STOX2: variants seen among roughly 807,000 people sequenced by gnomAD.
STOX2 encodes storkhead-box protein 2.
A neutral mutation model predicts 60.9 loss-of-function variants in STOX2; 28 were observed. The observed-to-expected ratio is 0.46, with a 90% CI of 0.34 to 0.63. STOX2 has a LOEUF of 0.63. STOX2 is among the 30% of genes least tolerant of loss of function. The probability of loss-of-function intolerance (pLI) is 0.01; values close to 1 mark genes in which losing one functional copy is unlikely to be tolerated. For missense variants in STOX2, 1,024 were observed against 1,187.7 expected (o/e 0.86, Z 2.03); for synonymous variants, 472 against 463.9 (o/e 1.02, Z -0.22).
chr4:183,837,694 A>C (rs1739750022), intron 1 of STOX2, among the ~76,000 whole-genome samples: 1 of 152,076 alleles, frequency 6.6e-6, no homozygotes, highest in South Asian at 2.1e-4. Flanking sequence ...CCTGGCCTCA[A>C]GTGATCCCCC....
chr4:183,919,399 G>A (rs1275751505), intron 1 of STOX2, among the ~76,000 whole-genome samples: 1 of 152,172 alleles, frequency 6.6e-6, no homozygotes, highest in East Asian at 1.9e-4. Flanking sequence ...AGCTAGAGGT[G>A]GGGTTTATGG....
At chr4:183,815,732 C>T (rs937246525) in intron 1 of STOX2, among the ~76,000 whole-genome samples, 3 of 152,144 alleles carry the variant, frequency 2.0e-5, no homozygotes, top group African/African-American at 4.8e-5. Flanking sequence ...TGGTCCTCAG[C>T]ATGGGTAGGT....
chr4:183,872,847 T>C (rs1740726091), intron 1 of STOX2, among the ~76,000 whole-genome samples: 1 of 152,180 alleles, frequency 6.6e-6, no homozygotes, highest in Non-Finnish European at 1.5e-5. Flanking sequence ...CACTTTGGAA[T>C]TCAGATCTGC....
chr4:184,010,587 A>G lies in STOX2; in HGVS notation c.1749A>G (p.Pro583=). The G allele has an allele frequency of 6.2e-7, 1 of 1,614,038 alleles. No individual in the cohort carries two copies. The highest frequency in any genetic ancestry group is 8.5e-7 in the Non-Finnish European group (1 of 1,179,898). The change falls in exon 3 of 4, where the codon CCA becomes CCG. Residue 583 remains proline, a synonymous_variant. Coordinates refer to ENST00000308497, the MANE Select transcript of STOX2 (RefSeq NM_020225.3). This position sits in a 1 kb window ranked among gnomAD's most constrained non-coding sequence, Gnocchi z 4.5. ...LEPGKPPESL[P]SYGELNSCPT... The stretch of plus-strand genomic sequence containing the variant: ...CAGGAAAACCACCCGAGAGTTTGCC[A>G]TCCTATGGCGAACTCAACTCTTGTC...
chr4:184,007,015 C>CAAAAAAAGAAA (rs1733886393), intron 2 of STOX2, among the ~76,000 whole-genome samples: 1 of 52,818 alleles, frequency 1.9e-5, no homozygotes, highest in African/African-American at 7.5e-5. Context: ...GACTCTGTCT[C>CAAAAAAAGAAA]AAAAAAAAAA....
chr4:183,989,167 TG>T lies in STOX2; in HGVS notation c.167-12156del, dbSNP rs1266493891. ...AGTAAATAGTATTTGACATTTTTTC[TG>T]GTTTTTTTTTTTTTTTTTTTTTTTT... is the stretch of plus-strand genomic sequence containing the variant. On this transcript the variant is annotated intron_variant, in intron 1 of 3. Coordinates refer to ENST00000308497, the MANE Select transcript of STOX2 (RefSeq NM_020225.3). Among the ~76,000 whole-genome samples, 358 of 105,380 alleles carry T rather than the reference TG, an allele frequency of 3.4e-3. 3 individuals carry two copies. Among genetic ancestry groups the T allele is most frequent in the African/African-American group, 0.015 (321 of 21,466 alleles). The allele number at this position is 105,380 out of a possible 152,430, so 69.1% of individuals were successfully genotyped here.
chr4:184,016,362 AAAAACAAAAC>A (rs571257031), intron 3 of STOX2: 1 of 152,578 alleles, frequency 6.6e-6, no homozygotes, highest in South Asian at 2.1e-4. Flanking sequence ...CCTTGACTCC[AAAAACAAAAC>A]AAAACAAAAC....
chr4:183,841,166 A>T (rs1024891923), intron 1 of STOX2, among the ~76,000 whole-genome samples: 2 of 151,328 alleles, frequency 1.3e-5, no homozygotes, highest in African/African-American at 4.9e-5. Context: ...CGCCCGGTTC[A>T]GTTTTCATCG....
At chr4:183,812,195 G>A (rs1176176855) in intron 1 of STOX2, among the ~76,000 whole-genome samples, 1 of 152,174 alleles carries the variant, frequency 6.6e-6, no homozygotes, top group African/African-American at 2.4e-5. Context: ...GCCTCCCAAA[G>A]CATTGGGATT....
intron 1 of STOX2, among the ~76,000 whole-genome samples, chr4:183,867,166 G>T (rs554972871): frequency 1.4e-4 from 21 of 152,174 alleles, no homozygotes; most frequent in Admixed American, 7.9e-4. Flanking sequence ...TGACATGTTC[G>T]CCCTCTCTAT....
chr4:184,005,306 CA>C (rs1733777314), intron 2 of STOX2, among the ~76,000 whole-genome samples: 1 of 151,878 alleles, frequency 6.6e-6, no homozygotes, highest in Non-Finnish European at 1.5e-5. Flanking sequence ...CTAAAAAATA[CA>C]AAAATTAGCT....
At chr4:183,949,882 G>T (rs1743016829) in intron 1 of STOX2, among the ~76,000 whole-genome samples, 1 of 152,088 alleles carries the variant, frequency 6.6e-6, no homozygotes, top group Non-Finnish European at 1.5e-5. Flanking sequence ...ATGTGTGGAT[G>T]CTCCATTCTC....
intron 1 of STOX2, among the ~76,000 whole-genome samples, chr4:183,939,967 G>C (rs752842038): frequency 6.6e-6 from 1 of 152,142 alleles, no homozygotes; most frequent in Non-Finnish European, 1.5e-5. Flanking sequence ...GCAATGGCAC[G>C]ATCTCAGCTC....
At chr4:183,831,934 C>T (rs2111121250) in intron 1 of STOX2, among the ~76,000 whole-genome samples, 1 of 152,094 alleles carries the variant, frequency 6.6e-6, no homozygotes, top group East Asian at 1.9e-4. Context: ...TTCTCGGCCC[C>T]TCCCTGAAGC....
At chr4:184,014,263 G>A (rs1231576807) in intron 3 of STOX2, 2 of 152,016 alleles carry the variant, frequency 1.3e-5, no homozygotes, top group Non-Finnish European at 2.9e-5. Context: ...GTATGTAGAA[G>A]GAAAAAGGGT....
intron 1 of STOX2, among the ~76,000 whole-genome samples, chr4:183,963,434 CTT>C (rs1276987700): frequency 6.8e-6 from 1 of 147,182 alleles, no homozygotes. Context: ...TTCTTTTTTT[CTT>C]TTTTTTTTGA....
chr4:183,893,950 G>T (rs1341297219), intron 1 of STOX2, among the ~76,000 whole-genome samples: 7 of 152,192 alleles, frequency 4.6e-5, no homozygotes, highest in Admixed American at 1.3e-4. Context: ...CCAGGAATTT[G>T]AGACCAGCTC....
In STOX2 at chr4:184,009,772, A is replaced by G; in HGVS notation, c.934A>G (p.Met312Val). 6.2e-7 allele frequency: 1 copy of G among 1,613,284 alleles called. No individual in the cohort carries two copies. The highest frequency in any genetic ancestry group is 8.5e-7 in the Non-Finnish European group (1 of 1,179,642). The change falls in exon 3 of 4, where the codon ATG (methionine) becomes GTG (valine). Residue 312 changes from methionine to valine, a missense_variant. Around this residue, in one of 3 missense-constraint regions of STOX2, gnomAD observed 922 missense variants for 1,058.3 expected, o/e 0.87. Coordinates refer to ENST00000308497, the MANE Select transcript of STOX2 (RefSeq NM_020225.3). The surrounding 1 kb of genome is among the most constrained non-coding windows in gnomAD (Gnocchi z 4.0). ...AGCTACGATCCCTCGGGAAGTAGAG[A>G]TGGAAATCATTAGGCGCATTAACCC... is the stretch of plus-strand genomic sequence containing the variant. The part of the protein sequence containing the change: ...TPATIPREVE[M>V]EIIRRINPDL...
In STOX2 at chr4:183,990,578, A is replaced by ATTTTTTTTTT. The variant is rs57369052; in HGVS notation, c.167-10719_167-10710dup. ...GAAGAGGGGCAGTTTAAAAAGCAGGATTTTTTTTTTTTTTTTTTTTTTTTT... is the reference window on the plus strand; with the variant it reads ...GAAGAGGGGCAGTTTAAAAAGCAGGATTTTTTTTTTTTTTTTTTTTTTTTTTTTTTTTTTT... On this transcript the variant is annotated intron_variant, in intron 1 of 3. Transcript: ENST00000308497. Among the ~76,000 whole-genome samples, 15 of 82,480 alleles carry ATTTTTTTTTT rather than the reference A, an allele frequency of 1.8e-4. 1 individual carries two copies. The highest frequency in any genetic ancestry group is 1.3e-3 in the East Asian group (3 of 2,394). The allele number at this position is 82,480 out of a possible 152,430, so 54.1% of individuals were successfully genotyped here.
Sources: gnomAD v4.1 joint callset for allele counts (sites outside exome capture counted in the v4.1 genomes callset) on GRCh38, gnomAD v4.1.1 for gene constraint, gnomAD v4.1.1 regional missense constraint, Gnocchi (gnomAD v3.1) non-coding constraint, MANE v1.5 for transcripts, NCBI Gene and HGNC (gene_info 2026-07-23, HGNC 2026-07-21) for gene names.